Variants in PDE4D observed in about 807,000 individuals in gnomAD.
PDE4D encodes 3',5'-cyclic-AMP phosphodiesterase 4D.
PDE4D carries 24 observed loss-of-function variants against 87.4 expected under a neutral mutation model. The ratio of observed to expected loss-of-function variants is 0.27; its 90% CI spans 0.20 to 0.39. The LOEUF is 0.39. PDE4D is among the 10% of genes least tolerant of loss of function. PDE4D has a pLI of 1.00. For synonymous variants in PDE4D, 384 were observed against 383.2 expected (o/e 1.00, Z -0.02); for missense variants, 714 against 1,041.0 (o/e 0.69, Z 4.32).
intron 1 of PDE4D, among the ~76,000 whole-genome samples, chr5:60,203,746 T>A (rs1020185952): frequency 3.9e-5 from 6 of 152,224 alleles, no homozygotes; most frequent in African/African-American, 1.4e-4. Flanking sequence ...GCTTCTCATA[T>A]GAAAGATGGT....
At chr5:59,747,971 A>T (rs114811460) in intron 1 of PDE4D, among the ~76,000 whole-genome samples, 169 of 152,236 alleles carry the variant, frequency 1.1e-3, no homozygotes, top group African/African-American at 4.0e-3. Context: ...CTTTGCCCAT[A>T]TCTCATTTTT....
chr5:59,187,896 A>G (rs1486819975), intron 3 of PDE4D, among the ~76,000 whole-genome samples: 1 of 151,846 alleles, frequency 6.6e-6, no homozygotes, highest in Non-Finnish European at 1.5e-5. Context: ...TTCTAGACAA[A>G]TCTTATAAGG....
intron 2 of PDE4D, among the ~76,000 whole-genome samples, chr5:60,149,513 C>G (rs187114328): frequency 8.5e-5 from 13 of 152,246 alleles, no homozygotes; most frequent in African/African-American, 2.9e-4. Flanking sequence ...GAGATACACT[C>G]AAACCATAGC....
intron 5 of PDE4D, among the ~76,000 whole-genome samples, chr5:59,089,723 G>A (rs985307700): frequency 6.6e-5 from 10 of 152,108 alleles, no homozygotes; most frequent in African/African-American, 2.4e-4. Flanking sequence ...TCTTAAATTA[G>A]CCATATAATA....
chr5:60,382,015 G>A (rs1115372), intron 1 of PDE4D, among the ~76,000 whole-genome samples: 62,074 of 151,980 alleles, frequency 0.41, 15,050 homozygotes, highest in African/African-American at 0.67. Flanking sequence ...TAGTTATACT[G>A]TATACTTTTC....
At chr5:59,060,758 T>C (rs115198951) in intron 5 of PDE4D, among the ~76,000 whole-genome samples, 1,845 of 152,234 alleles carry the variant, frequency 0.012, 45 homozygotes, top group African/African-American at 0.042. Flanking sequence ...TGTGTGGTAG[T>C]AGATGGCTAA....
intron 6 of PDE4D, among the ~76,000 whole-genome samples, chr5:59,006,820 CT>C (rs1334289828): frequency 6.6e-6 from 1 of 152,082 alleles, no homozygotes. Context: ...TCATTATTGA[CT>C]TTGTAACAGA....
chr5:59,417,212 A>T (rs1159061163), intron 1 of PDE4D, among the ~76,000 whole-genome samples: 1 of 152,184 alleles, frequency 6.6e-6, no homozygotes, highest in Non-Finnish European at 1.5e-5. Context: ...ATATCATATT[A>T]AAATGTACAG....
intron 1 of PDE4D, among the ~76,000 whole-genome samples, chr5:60,404,615 T>G (rs1490905937): frequency 2.0e-5 from 3 of 152,200 alleles, no homozygotes; most frequent in Non-Finnish European, 2.9e-5. Flanking sequence ...GGATATTTTA[T>G]TTTCTTTTAT....
At chr5:59,569,893 A>G (rs1439348283) in intron 1 of PDE4D, among the ~76,000 whole-genome samples, 1 of 152,196 alleles carries the variant, frequency 6.6e-6, no homozygotes, top group Non-Finnish European at 1.5e-5. Context: ...GGTCAAGTGC[A>G]TTCATTACCT....
At chr5:60,284,250 T>C (rs1163746557) in intron 1 of PDE4D, among the ~76,000 whole-genome samples, 1 of 152,100 alleles carries the variant, frequency 6.6e-6, no homozygotes, top group Non-Finnish European at 1.5e-5. Flanking sequence ...TCAAGGAAAT[T>C]AAAAATTAAT....
chr5:60,058,181 T>C (rs1367562717), intron 2 of PDE4D, among the ~76,000 whole-genome samples: 1 of 151,976 alleles, frequency 6.6e-6, no homozygotes, highest in East Asian at 1.9e-4. Context: ...TTTTGAGCTA[T>C]TTTGATTAAT....
intron 1 of PDE4D, among the ~76,000 whole-genome samples, chr5:59,680,247 T>C (rs1377094550): frequency 1.3e-5 from 2 of 152,176 alleles, no homozygotes; most frequent in African/African-American, 2.4e-5. Flanking sequence ...AGAACTATGT[T>C]TGAAAATACT....
chr5:59,977,592 G>A (rs1459142485), intron 3 of PDE4D, among the ~76,000 whole-genome samples: 1 of 152,190 alleles, frequency 6.6e-6, no homozygotes, highest in African/African-American at 2.4e-5. Context: ...AAAAAGGAGT[G>A]TGAAGTGAAG....
At chr5:59,285,101 T>C (rs1447548910) in intron 1 of PDE4D, among the ~76,000 whole-genome samples, 2 of 127,204 alleles carry the variant, frequency 1.6e-5, no homozygotes, top group African/African-American at 3.0e-5. Flanking sequence ...TTGGGAGATA[T>C]ACCTAATGCT....
rs142499540 is a variant in PDE4D at position 59,615,028 on chromosome 5, C to T, written c.455+278140G>A. On this transcript the variant is annotated intron_variant, in intron 1 of 14. Coordinates refer to ENST00000340635, the MANE Select transcript of PDE4D (RefSeq NM_001104631.2). ...TATTTTTTGTAGAGACAGGGTTTTG[C>T]CATGTTGCTCAGGCTGGTCTCAAAC... 1.3e-3 allele frequency among the ~76,000 whole-genome samples: 200 copies of T among 152,114 alleles called. 1 individual carries two copies. The highest frequency in any genetic ancestry group is 6.8e-3 in the Middle Eastern group (2 of 294).
intron 1 of PDE4D, among the ~76,000 whole-genome samples, chr5:59,525,810 C>A (rs188599883): frequency 1.3e-5 from 2 of 152,040 alleles, no homozygotes; most frequent in Non-Finnish European, 2.9e-5. Flanking sequence ...CTATAAGGGG[C>A]TTTTTCCCCC....
At chr5:59,324,265 C>T (rs917255061) in intron 1 of PDE4D, among the ~76,000 whole-genome samples, 1 of 152,108 alleles carries the variant, frequency 6.6e-6, no homozygotes, top group African/African-American at 2.4e-5. Flanking sequence ...TTCTGATTTA[C>T]TTGTAGTTGA....
chr5:59,086,551 C>T (rs1341680112), intron 5 of PDE4D, among the ~76,000 whole-genome samples: 2 of 152,024 alleles, frequency 1.3e-5, no homozygotes, highest in Admixed American at 6.6e-5. Flanking sequence ...TACCTTCACC[C>T]CCAAAACTAC....
Sources: allele counts gnomAD v4.1 joint callset (sites outside exome capture counted in the v4.1 genomes callset), GRCh38; gene constraint gnomAD v4.1.1; transcripts MANE v1.5; gene names NCBI Gene and HGNC (gene_info 2026-07-23, HGNC 2026-07-21).